SLC6A16: variants seen among roughly 807,000 people sequenced by gnomAD.
SLC6A16 encodes solute carrier family 6 member 16, also known as orphan sodium- and chloride-dependent neurotransmitter transporter NTT5.
SLC6A16 carries 54 observed loss-of-function variants against 65.4 expected under a neutral mutation model. The observed-to-expected ratio is 0.83, with a 90% CI of 0.66 to 1.04. SLC6A16 has a LOEUF of 1.04. SLC6A16 is among the 50% of genes least tolerant of loss of function. The pLI is 0.00. For synonymous variants in SLC6A16, 330 were observed against 346.5 expected (o/e 0.95, Z 0.53); for missense variants, 816 against 914.0 (o/e 0.89, Z 1.38).
chr19:49,323,095 G>A (rs1970741813), intron 1 of SLC6A16, among the ~76,000 whole-genome samples: 1 of 151,904 alleles, frequency 6.6e-6, no homozygotes, highest in South Asian at 2.1e-4. Context: ...TTTTACAAGG[G>A]TGCCAAGACT....
In SLC6A16 at chr19:49,306,554, T is replaced by C. The variant is rs569625673; in HGVS notation, c.1229+2322A>G. Among the ~76,000 whole-genome samples the C allele has an allele frequency of 6.7e-5, 10 of 149,678 alleles. No homozygotes were observed. The South Asian group carries it at 1.9e-3, about 29-fold the overall frequency. On this transcript the variant is annotated intron_variant, in intron 7 of 11. Transcript: ENST00000335875. ...TCTTTGTTTTTTTTTTTTCTTTTTTTTTTTTTTGAGAGAGAGTCTCACTCT... is the reference window on the plus strand; with the variant it reads ...TCTTTGTTTTTTTTTTTTCTTTTTTCTTTTTTTGAGAGAGAGTCTCACTCT...
At chr19:49,324,419 G>A (rs546243250) in intron 1 of SLC6A16, among the ~76,000 whole-genome samples, 1 of 152,298 alleles carries the variant, frequency 6.6e-6, no homozygotes, top group South Asian at 2.1e-4. Flanking sequence ...TTACGGAAGG[G>A]AGAGAACTGA....
At chr19:49,300,999 C>T (rs543425334) in intron 7 of SLC6A16, among the ~76,000 whole-genome samples, 129 of 152,066 alleles carry the variant, frequency 8.5e-4, no homozygotes, top group Middle Eastern at 3.4e-3. Flanking sequence ...TTGCGTGAGC[C>T]GAGATCAGGC....
chr19:49,320,862 T>C (rs935105167), intron 1 of SLC6A16, among the ~76,000 whole-genome samples: 4 of 152,196 alleles, frequency 2.6e-5, no homozygotes, highest in African/African-American at 9.6e-5. Context: ...GGAGATTGAA[T>C]TGGTAATCAA....
chr19:49,319,889 G>A (rs1226598751), intron 1 of SLC6A16, among the ~76,000 whole-genome samples: 6 of 151,944 alleles, frequency 3.9e-5, no homozygotes, highest in Admixed American at 6.6e-5. Flanking sequence ...AGCCACAATA[G>A]GATGAAGTTA....
chr19:49,300,553 G>GA lies in SLC6A16; in HGVS notation c.1230-6001dup, dbSNP rs373759967. Among the ~76,000 whole-genome samples, 1,445 of 146,606 alleles carry GA rather than the reference G, an allele frequency of 9.9e-3. 25 individuals are homozygous for GA. The highest frequency in any genetic ancestry group is 0.068 in the Middle Eastern group (20 of 292). ...GTGGATAACTTCCAGACTAGTGGAG[G>GA]AAAAAAAAAATGGAATGATAAATAA... is the stretch of plus-strand genomic sequence containing the variant. On this transcript the variant is annotated intron_variant, in intron 7 of 11. Coordinates refer to ENST00000335875, the MANE Select transcript of SLC6A16 (RefSeq NM_014037.3).
At chr19:49,304,690 G>A (rs1970350095) in intron 7 of SLC6A16, among the ~76,000 whole-genome samples, 1 of 152,052 alleles carries the variant, frequency 6.6e-6, no homozygotes, top group African/African-American at 2.4e-5. Flanking sequence ...GCTTGAACCT[G>A]GGATGTTCAA....
chr19:49,312,611 T>C, intron 1 of SLC6A16: 1 of 978,874 alleles, frequency 1.0e-6, no homozygotes. Context: ...AGGAGTGTGC[T>C]GAAAAAAAAA....
chr19:49,323,645 T>G (rs1687841072), intron 1 of SLC6A16, among the ~76,000 whole-genome samples: 1 of 152,076 alleles, frequency 6.6e-6, no homozygotes, highest in African/African-American at 2.4e-5. Flanking sequence ...GAAATGCAAA[T>G]GAAAACTACA....
At chr19:49,308,503 T>C (rs1299888269) in intron 7 of SLC6A16, among the ~76,000 whole-genome samples, 1 of 152,174 alleles carries the variant, frequency 6.6e-6, no homozygotes, top group East Asian at 1.9e-4. Flanking sequence ...TCTCCATTTT[T>C]CCAAGGATGG....
At position 49,296,341 on chromosome 19, in the gene SLC6A16, C is replaced by T. The variant is rs372681646; in HGVS notation, c.1230-1788G>A. On this transcript the variant is annotated intron_variant, in intron 7 of 11. Transcript: ENST00000335875. The stretch of plus-strand genomic sequence containing the variant: ...GAACAAAGATCTACAATAGTCAAAA[C>T]GATTTTGGAAAAAAAATAGCACAGT... Among the ~76,000 whole-genome samples, 19 of 152,132 alleles carry T rather than the reference C, an allele frequency of 1.2e-4. No individual in the cohort carries two copies. The East Asian group carries it at 3.7e-3, about 29-fold the overall frequency.
At chr19:49,311,546 A>G (rs1027784827) in intron 1 of SLC6A16, 135 bp from the exon 2 acceptor site, 2 of 520,224 alleles carry the variant, frequency 3.8e-6, no homozygotes, top group East Asian at 6.7e-5. Flanking sequence ...AATCTCTTGC[A>G]TAAGTTTCAC....
chr19:49,290,344 T>C lies in SLC6A16; in HGVS notation c.1990A>G (p.Ile664Val), dbSNP rs1167737824. Residue 664 changes from isoleucine (I) to valine (V), a missense_variant, in exon 12 of 12, where the codon ATC becomes GTC. Physicochemically the swap from Ile to Val is conservative, Grantham distance 29. Coordinates refer to ENST00000335875, the MANE Select transcript of SLC6A16 (RefSeq NM_014037.3). Reference protein sequence around the residue: ...PYPPWALLLMITLFAIVILPI... With the variant: ...PYPPWALLLMVTLFAIVILPI... ...AGGATGACAATGGCAAAAAGGGTGATCATCAAGAGCAGTGCCCACGGTGGG... is the reference window on the plus strand; with the variant it reads ...AGGATGACAATGGCAAAAAGGGTGACCATCAAGAGCAGTGCCCACGGTGGG... 1 of 1,613,798 alleles carries C rather than the reference T, an allele frequency of 6.2e-7. No homozygotes were observed. Among genetic ancestry groups the C allele is most frequent in the Admixed American group, 1.7e-5 (1 of 59,988 alleles).
the SLC6A16 span, chr19:49,331,544 G>C: frequency 2.0e-5 from 7 of 350,598 alleles, no homozygotes; most frequent in Non-Finnish European, 4.0e-5. Flanking sequence ...TAGTTGTTAG[G>C]ATGTTTAAGG....
intron 1 of SLC6A16, among the ~76,000 whole-genome samples, chr19:49,317,012 G>C (rs969062799): frequency 6.6e-6 from 1 of 151,982 alleles, no homozygotes; most frequent in East Asian, 1.9e-4. Flanking sequence ...ACTCCAGCCT[G>C]AGCAACAGAG....
chr19:49,300,460 G>A lies in SLC6A16; in HGVS notation c.1230-5907C>T, dbSNP rs1335697605. ...GAAGTACTGATTACCTTTAGACATC[G>A]ATAAATTAAGAATGCATATTGTGAA... On this transcript the variant is annotated intron_variant, in intron 7 of 11. Coordinates refer to ENST00000335875, the MANE Select transcript of SLC6A16 (RefSeq NM_014037.3). Among the ~76,000 whole-genome samples, 6 of 151,980 alleles carry A rather than the reference G, an allele frequency of 3.9e-5. No homozygotes were observed. The East Asian group carries it at 7.7e-4, about 19-fold the overall frequency.
chr19:49,339,493 C>A, the SLC6A16 span: 1 of 1,543,946 alleles, frequency 6.5e-7, no homozygotes, highest in Non-Finnish European at 8.9e-7. The surrounding 1 kb of genome is among the most constrained non-coding windows in gnomAD (Gnocchi z 4.5). Context: ...CCTTCGGTTG[C>A]CTGGGAAGGA....
At chr19:49,330,202 A>C (rs1338063142), upstream of SLC6A16, among the ~76,000 whole-genome samples, 1 of 152,080 alleles carries the variant, frequency 6.6e-6, no homozygotes, top group Non-Finnish European at 1.5e-5. Context: ...TGGAGTGTGC[A>C]GGAGGTGGGA....
At chr19:49,312,236 T>C (rs897861744) in intron 1 of SLC6A16, among the ~76,000 whole-genome samples, 35 of 152,274 alleles carry the variant, frequency 2.3e-4, no homozygotes, top group African/African-American at 7.9e-4. Flanking sequence ...TAAACTAAAC[T>C]AAACTAATTT....
Sources: gnomAD v4.1 joint callset for allele counts (sites outside exome capture counted in the v4.1 genomes callset) on GRCh38, gnomAD v4.1.1 for gene constraint, Gnocchi (gnomAD v3.1) non-coding constraint, MANE v1.5 for transcripts, NCBI Gene and HGNC (gene_info 2026-07-23, HGNC 2026-07-21) for gene names.